Variants in SYNE3 observed in about 807,000 individuals in gnomAD.
The protein encoded by SYNE3 is nesprin-3.
In SYNE3, 100 loss-of-function variants were observed where a neutral mutation model predicts 111.2. That is an observed-to-expected ratio of 0.90 (90% CI 0.77 to 1.06). SYNE3 has a LOEUF of 1.06. SYNE3 is among the 50% of genes least tolerant of loss of function. SYNE3 has a pLI of 0.00. For missense variants in SYNE3, 1,160 were observed against 1,240.3 expected (o/e 0.94, Z 0.97); for synonymous variants, 547 against 533.9 (o/e 1.02, Z -0.34).
At chr14:95,505,026 A>C (rs1890477765) in intron 1 of SYNE3, among the ~76,000 whole-genome samples, 1 of 152,186 alleles carries the variant, frequency 6.6e-6, no homozygotes, top group African/African-American at 2.4e-5. Context: ...ACCTGGGGGA[A>C]GGGACCCTAT....
intron 4 of SYNE3, among the ~76,000 whole-genome samples, chr14:95,461,713 C>A (rs548821600): frequency 2.0e-5 from 3 of 152,252 alleles, no homozygotes; most frequent in African/African-American, 4.8e-5. Context: ...AATCCCACCC[C>A]GAGGCCAGGC....
At chr14:95,432,211 T>C in intron 16 of SYNE3, 94 bp from the exon 17 acceptor site, 1 of 1,429,844 alleles carries the variant, frequency 7.0e-7, no homozygotes, top group Non-Finnish European at 9.6e-7. Context: ...GGAATATTCG[T>C]TTTGTCAGGG....
intron 2 of SYNE3, among the ~76,000 whole-genome samples, chr14:95,471,585 G>A (rs1888532807): frequency 6.6e-6 from 1 of 152,240 alleles, no homozygotes; most frequent in South Asian, 2.1e-4. Context: ...GAGGCTTGAA[G>A]CCAGGGGAGG....
chr14:95,512,155 TC>T (rs1334935253), intron 1 of SYNE3, among the ~76,000 whole-genome samples: 8 of 152,170 alleles, frequency 5.3e-5, no homozygotes, highest in African/African-American at 1.9e-4. Context: ...AGATCGTGTC[TC>T]CTACATAAAG....
rs769182774 is a variant in SYNE3 at position 95,466,157 on chromosome 14, A to C, written c.401T>G (p.Val134Gly). Residue 134 changes from valine (V) to glycine (G), a missense_variant, in exon 4 of 18, where the codon GTC (valine) becomes GGC (glycine). Transcript: ENST00000682763. ...GAGCTCGATGTGGGGCTCCAGTGTG[A>C]CCATCATCTTCTGGAACCAGCGGTA... ...EFYRWFQKMMVTLEPHIELQL... is the reference protein window; with the variant it reads ...EFYRWFQKMMGTLEPHIELQL... 1 of 1,607,446 alleles carries C rather than the reference A, an allele frequency of 6.2e-7. No individual in the cohort carries two copies. Among genetic ancestry groups the C allele is most frequent in the Non-Finnish European group, 8.5e-7 (1 of 1,174,608 alleles).
At chr14:95,452,172 G>T in intron 7 of SYNE3, 75 bp downstream of exon 7, 1 of 1,479,842 alleles carries the variant, frequency 6.8e-7, no homozygotes, top group Non-Finnish European at 9.1e-7. Flanking sequence ...GAGAAAGCAA[G>T]CCCGCCTTCT....
chr14:95,454,220 T>A (rs1349724704), intron 6 of SYNE3, among the ~76,000 whole-genome samples: 2 of 152,252 alleles, frequency 1.3e-5, no homozygotes, highest in African/African-American at 4.8e-5. Context: ...GGATTCCTGG[T>A]CTGTTCCTCT....
At chr14:95,429,104 A>T (rs904961850) in intron 17 of SYNE3, among the ~76,000 whole-genome samples, 1 of 152,222 alleles carries the variant, frequency 6.6e-6, no homozygotes, top group Non-Finnish European at 1.5e-5. Flanking sequence ...CCACACTCCA[A>T]CCCGTGAAGA....
chr14:95,500,140 G>A lies in SYNE3; in HGVS notation c.-15+16456C>T, dbSNP rs1001452670. On this transcript the variant is annotated intron_variant, in intron 1 of 17. Coordinates refer to ENST00000682763, the MANE Select transcript of SYNE3 (RefSeq NM_152592.6). The surrounding 1 kb of genome is among the most constrained non-coding windows in gnomAD (Gnocchi z 4.7). ...CTCCCAAAGTGCTGGGATTAAAGGC[G>A]TGAGCCACTGCGCCCGGCCTACCTC... is the stretch of plus-strand genomic sequence containing the variant. Among the ~76,000 whole-genome samples, 8 of 152,142 alleles carry A rather than the reference G, an allele frequency of 5.3e-5. No homozygotes were observed. Among genetic ancestry groups the A allele is most frequent in the Non-Finnish European group, 7.4e-5 (5 of 68,012 alleles).
chr14:95,498,994 G>A (rs1301822465), intron 1 of SYNE3, among the ~76,000 whole-genome samples: 1 of 152,150 alleles, frequency 6.6e-6, no homozygotes, highest in African/African-American at 2.4e-5. Flanking sequence ...TTAATAACTG[G>A]CACCCCAGCC....
At chr14:95,479,907 T>G (rs913444587) in intron 1 of SYNE3, among the ~76,000 whole-genome samples, 8 of 151,884 alleles carry the variant, frequency 5.3e-5, no homozygotes, top group African/African-American at 1.9e-4. Context: ...CACTCAAAGG[T>G]GGGCTGAGAC....
intron 14 of SYNE3, 143 bp from the exon 15 acceptor site, chr14:95,437,124 A>G (rs1016317050): frequency 8.0e-6 from 7 of 871,442 alleles, no homozygotes; most frequent in African/African-American, 5.1e-5. Flanking sequence ...GGGATGAACA[A>G]TGAATCTCTA....
rs376830751 is a variant in SYNE3 at position 95,450,067 on chromosome 14, G to A, written c.1313C>T (p.Ala438Val). ...VKSARLRNAAAVELWQHFQRP... is the reference protein window; with the variant it reads ...VKSARLRNAAVVELWQHFQRP... Reference sequence around the variant, plus strand: ...CTGGAAATGCTGCCACAGCTCCACCGCCGCGGCATTGCGCAGCCTCGCGCT... The same window carrying A: ...CTGGAAATGCTGCCACAGCTCCACCACCGCGGCATTGCGCAGCCTCGCGCT... Residue 438 changes from alanine to valine, a missense_variant, in exon 8 of 18, where the codon GCG becomes GTG. By Grantham distance (64) the Ala-to-Val change is moderately conservative (BLOSUM62 0). Coordinates refer to ENST00000682763, the MANE Select transcript of SYNE3 (RefSeq NM_152592.6). 104 of 1,572,802 alleles carry A rather than the reference G, an allele frequency of 6.6e-5. No homozygotes were observed. In the East Asian group the frequency reaches 2.0e-3, roughly 30 times the overall value.
chr14:95,470,503 T>C lies in SYNE3; in HGVS notation c.145-2536A>G, dbSNP rs1306124219. ...TTTTTAATTAAAAAAAAAAAAAAAC[T>C]AGCCAGGCACAGTGGCATATGCCTG... On this transcript the variant is annotated intron_variant, in intron 2 of 17. Transcript: ENST00000682763. This position sits in a 1 kb window ranked among gnomAD's most constrained non-coding sequence, Gnocchi z 4.2. Among the ~76,000 whole-genome samples, 1 of 146,468 alleles carries C rather than the reference T, an allele frequency of 6.8e-6. No individual in the cohort carries two copies. Among genetic ancestry groups the C allele is most frequent in the Non-Finnish European group, 1.5e-5 (1 of 67,104 alleles).
chr14:95,465,416 C>A (rs1056746454), intron 4 of SYNE3, among the ~76,000 whole-genome samples: 1 of 151,852 alleles, frequency 6.6e-6, no homozygotes, highest in Non-Finnish European at 1.5e-5. Context: ...GCTGGATAAA[C>A]GAGTGGGTGA....
intron 1 of SYNE3, among the ~76,000 whole-genome samples, chr14:95,488,069 T>C (rs907681606): frequency 5.3e-5 from 8 of 152,244 alleles, no homozygotes; most frequent in Non-Finnish European, 1.2e-4. Context: ...GCTTACTTTA[T>C]TGTAAGAATA....
chr14:95,503,297 C>CT (rs1480141589), intron 1 of SYNE3, among the ~76,000 whole-genome samples: 2 of 152,262 alleles, frequency 1.3e-5, no homozygotes, highest in Non-Finnish European at 2.9e-5. Context: ...ATACCAGTCT[C>CT]TAACTCTTTA....
chr14:95,448,044 T>C (rs1205213621), intron 8 of SYNE3, among the ~76,000 whole-genome samples: 1 of 152,238 alleles, frequency 6.6e-6, no homozygotes, highest in Non-Finnish European at 1.5e-5. Flanking sequence ...ATGATCACTT[T>C]TATTTGAATG....
intron 2 of SYNE3, 137 bp from the exon 3 acceptor site, chr14:95,468,104 C>G: frequency 9.2e-7 from 1 of 1,088,954 alleles, no homozygotes; most frequent in Non-Finnish European, 1.3e-6. Flanking sequence ...GCCCCTGCAC[C>G]CCTTCTTGTG....
Sources: allele counts gnomAD v4.1 joint callset (sites outside exome capture counted in the v4.1 genomes callset), GRCh38; gene constraint gnomAD v4.1.1; non-coding constraint Gnocchi (gnomAD v3.1); transcripts MANE v1.5; gene names NCBI Gene and HGNC (gene_info 2026-07-23, HGNC 2026-07-21).